Variants in C5orf24 observed in about 807,000 individuals in gnomAD.
The protein encoded by C5orf24 is chromosome 5 open reading frame 24.
A neutral mutation model predicts 9.8 loss-of-function variants in C5orf24; 4 were observed. The ratio of observed to expected loss-of-function variants is 0.41; its 90% CI spans 0.20 to 0.93. The LOEUF is 0.93. C5orf24 is among the 40% of genes least tolerant of loss of function. The probability of loss-of-function intolerance (pLI) is 0.33; values close to 1 mark genes in which losing one functional copy is unlikely to be tolerated. For missense variants in C5orf24, 170 were observed against 236.9 expected, an observed-to-expected ratio of 0.72 and a Z score of 1.85; for synonymous variants, 73 against 81.3, an observed-to-expected ratio of 0.90 and a Z score of 0.55.
chr5:134,847,026 T>A (rs1255824329), intron 1 of C5orf24, among the ~76,000 whole-genome samples: 1 of 152,212 alleles, frequency 6.6e-6, no homozygotes, highest in Admixed American at 6.5e-5. Context: ...TTAGAAAGCT[T>A]CAGGGATGCT....
At chr5:134,846,703 TAAG>T (rs1370158958) in intron 1 of C5orf24, 1 of 152,128 alleles carries the variant, frequency 6.6e-6, no homozygotes, top group Non-Finnish European at 1.5e-5. Flanking sequence ...CGTGTCAAAA[TAAG>T]GAGAGTCCTT....
In C5orf24 at chr5:134,856,449, T is replaced by G. The variant is rs1388967968; in HGVS notation, c.*982T>G. ...TGAGGTCAGCAGTTCAAGACTAGCC[T>G]GGCCAACATGGTGAAACCCCATCTC... On this transcript the variant is annotated 3_prime_UTR_variant, in exon 2 of 2. Transcript: ENST00000394976. The G allele has an allele frequency of 2.5e-6, 1 of 404,776 alleles. No individual in the cohort carries two copies. Among genetic ancestry groups the G allele is most frequent in the Non-Finnish European group, 3.5e-6 (1 of 286,834 alleles). 25.1% of individuals were successfully genotyped at this position (404,776 alleles called of 1,614,324 possible).
chr5:134,851,174 C>T (rs139606388), intron 1 of C5orf24, among the ~76,000 whole-genome samples: 2,050 of 151,936 alleles, frequency 0.013, 27 homozygotes, highest in Non-Finnish European at 0.019. Flanking sequence ...GTGATTTTCC[C>T]GCCTTGGCCT....
At position 134,859,476 on chromosome 5, in the gene C5orf24, G is replaced by A. The variant is rs898043810; in HGVS notation, c.*4009G>A. ...TCAAGTGTGTGATTTAAAGTAATCA[G>A]ATCACTTTGATTCTTTTAAGTTTTC... On this transcript the variant is annotated 3_prime_UTR_variant, in exon 2 of 2. Coordinates refer to ENST00000394976, the MANE Select transcript of C5orf24 (RefSeq NM_001135586.1). 1 of 166,846 alleles carries A rather than the reference G, an allele frequency of 6.0e-6. No homozygotes were observed. The highest frequency in any genetic ancestry group is 6.6e-5 in the Admixed American group (1 of 15,264). 10.3% of individuals were successfully genotyped at this position (166,846 alleles called of 1,614,324 possible).
intron 1 of C5orf24, among the ~76,000 whole-genome samples, chr5:134,848,346 C>T (rs1032707021): frequency 6.0e-5 from 9 of 151,178 alleles, no homozygotes; most frequent in African/African-American, 2.2e-4. Flanking sequence ...ACAAATGTCG[C>T]TTGCATACTT....
In C5orf24 at chr5:134,856,746, T is replaced by C. The variant is rs185140929; in HGVS notation, c.*1279T>C. 1,166 of 999,912 alleles carry C rather than the reference T, an allele frequency of 1.2e-3. 6 individuals carry two copies. The Middle Eastern group carries it at 0.012, about 10-fold the overall frequency. The allele number at this position is 999,912 out of a possible 1,614,324, so 61.9% of individuals were successfully genotyped here. Reference sequence around the variant, plus strand: ...TTAGTTTTTCTCAGAAATTGTCCCATTGCATTAGCACTTACTGTGTTTTCA... The same window carrying C: ...TTAGTTTTTCTCAGAAATTGTCCCACTGCATTAGCACTTACTGTGTTTTCA... On this transcript the variant is annotated 3_prime_UTR_variant, in exon 2 of 2. Transcript: ENST00000394976.
chr5:134,853,315 T>G (rs1021003783), intron 1 of C5orf24, among the ~76,000 whole-genome samples: 3 of 150,396 alleles, frequency 2.0e-5, no homozygotes, highest in East Asian at 3.9e-4. Flanking sequence ...GAGCCAAGAT[T>G]GTGCCATTGC....
the C5orf24 span, among the ~76,000 whole-genome samples, chr5:134,838,410 C>T: frequency 1.3e-5 from 2 of 152,288 alleles, no homozygotes; most frequent in Non-Finnish European, 2.9e-5. Context: ...GTGGCTCACG[C>T]CTGTAATCCC....
At chr5:134,851,393 T>G (rs192685275) in intron 1 of C5orf24, among the ~76,000 whole-genome samples, 4 of 152,300 alleles carry the variant, frequency 2.6e-5, no homozygotes, top group Admixed American at 2.6e-4. Flanking sequence ...GTTTTCATTT[T>G]AGTATAATCA....
chr5:134,854,864 G>C, intron 1 of C5orf24, 34 bp from the exon 2 acceptor site: 1 of 1,603,386 alleles, frequency 6.2e-7, no homozygotes, highest in African/African-American at 1.3e-5. Flanking sequence ...TTGTGTGTGT[G>C]TATTTATATA....
chr5:134,850,771 C>G (rs1468387085), intron 1 of C5orf24, among the ~76,000 whole-genome samples: 1 of 151,916 alleles, frequency 6.6e-6, no homozygotes, highest in East Asian at 1.9e-4. Flanking sequence ...GTCACCATGC[C>G]CAGCCGCACG....
chr5:134,850,479 T>G (rs1756126230), intron 1 of C5orf24, among the ~76,000 whole-genome samples: 1 of 151,152 alleles, frequency 6.6e-6, no homozygotes, highest in Non-Finnish European at 1.5e-5. Context: ...TGCAAGTGTT[T>G]TTTTTTTTTT....
At chr5:134,838,102 A>C in the C5orf24 span, among the ~76,000 whole-genome samples, 1 of 152,144 alleles carries the variant, frequency 6.6e-6, no homozygotes, top group Non-Finnish European at 1.5e-5. Flanking sequence ...AAAACAAAAC[A>C]AAAACACTTG....
the C5orf24 span, among the ~76,000 whole-genome samples, chr5:134,835,001 G>A: frequency 8.6e-5 from 13 of 151,972 alleles, no homozygotes; most frequent in Non-Finnish European, 1.2e-4. Flanking sequence ...CCAAGATTGC[G>A]GCACTGCACT....
the C5orf24 span, among the ~76,000 whole-genome samples, chr5:134,839,007 A>G: frequency 6.6e-6 from 1 of 151,978 alleles, no homozygotes; most frequent in Non-Finnish European, 1.5e-5. Flanking sequence ...CCAGGACTTC[A>G]AGACCAGCTT....
the C5orf24 span, among the ~76,000 whole-genome samples, chr5:134,834,579 A>G: frequency 6.6e-6 from 1 of 152,216 alleles, no homozygotes; most frequent in Admixed American, 6.5e-5. Context: ...CAAAGAGAGC[A>G]TAAATTCCTC....
At chr5:134,842,957 G>T (rs1289870526), upstream of C5orf24, among the ~76,000 whole-genome samples, 1 of 151,858 alleles carries the variant, frequency 6.6e-6, no homozygotes, top group Non-Finnish European at 1.5e-5. Context: ...ATTCCCTTTA[G>T]CTGTAATGAT....
rs141965242 is a variant in C5orf24, at chr5:134,850,113, C to T, written c.-4+3901C>T. On this transcript the variant is annotated intron_variant, in intron 1 of 1. Transcript: ENST00000394976. ...ACAAACTAAAGGCATAAATTCTGGA[C>T]AATATTGAAGGAATGAAGAAATGGA... 4.8e-3 allele frequency among the ~76,000 whole-genome samples: 734 copies of T among 152,106 alleles called. 2 individuals are homozygous for T. The highest frequency in any genetic ancestry group is 0.027 in the Middle Eastern group (8 of 294).
upstream of C5orf24, among the ~76,000 whole-genome samples, chr5:134,842,030 A>G (rs1029843823): frequency 1.3e-5 from 2 of 152,170 alleles, no homozygotes; most frequent in Non-Finnish European, 2.9e-5. Flanking sequence ...TTAGAAGTTT[A>G]TAGAATTTTA....
Sources: gnomAD v4.1 joint callset for allele counts (sites outside exome capture counted in the v4.1 genomes callset) on GRCh38, gnomAD v4.1.1 for gene constraint, MANE v1.5 for transcripts, NCBI Gene and HGNC (gene_info 2026-07-23, HGNC 2026-07-21) for gene names.